The following ZFHX3 variants were observed in gnomAD, a reference collection of about 807,000 sequenced individuals.
ZFHX3 encodes the protein zinc finger homeobox 3.
Under a neutral mutation model 279.1 loss-of-function variants are expected in ZFHX3, and 42 were observed. The ratio of observed to expected loss-of-function variants is 0.15; its 90% CI spans 0.12 to 0.19. The LOEUF is 0.19. Among genes scored for constraint, ZFHX3 ranks in the 10% least tolerant of loss-of-function variants. The pLI is 1.00. For missense variants in ZFHX3, 4,981 were observed against 4,754.0 expected, an observed-to-expected ratio of 1.05 and a Z score of -1.40; for synonymous variants, 2,293 against 1,957.8, an observed-to-expected ratio of 1.17 and a Z score of -4.52.
chr16:73,658,548 C>A (rs963265919), intron 2 of ZFHX3, among the ~76,000 whole-genome samples: 3 of 152,156 alleles, frequency 2.0e-5, no homozygotes, highest in Admixed American at 2.0e-4. Context: ...GGTGATCTGC[C>A]CTCCTTGGTC....
At chr16:73,114,735 A>G (rs1966412504) in intron 7 of ZFHX3, among the ~76,000 whole-genome samples, 1 of 152,236 alleles carries the variant, frequency 6.6e-6, no homozygotes, top group South Asian at 2.1e-4. Flanking sequence ...ATTTTCTGCA[A>G]GGAAATAAGT....
At chr16:73,084,954 T>G (rs1317401956) in intron 8 of ZFHX3, among the ~76,000 whole-genome samples, 1 of 152,154 alleles carries the variant, frequency 6.6e-6, no homozygotes, top group Non-Finnish European at 1.5e-5. Context: ...GAATTAATGT[T>G]AAAATGTCAA....
intron 5 of ZFHX3, among the ~76,000 whole-genome samples, chr16:73,147,082 T>C (rs2144841213): frequency 6.6e-6 from 1 of 152,374 alleles, no homozygotes; most frequent in East Asian, 1.9e-4. Flanking sequence ...GTGACATCAA[T>C]GACCTTCCAC....
intron 5 of ZFHX3, among the ~76,000 whole-genome samples, chr16:73,223,268 A>T (rs1392888225): frequency 6.6e-6 from 1 of 152,186 alleles, no homozygotes; most frequent in African/African-American, 2.4e-5. Flanking sequence ...GACATAGTCA[A>T]GAGAATTAAC....
chr16:73,770,162 T>C lies in ZFHX3; in HGVS notation c.-1607-89922A>G, dbSNP rs150372535. 2.6e-3 allele frequency among the ~76,000 whole-genome samples: 394 copies of C among 152,380 alleles called. 3 individuals are homozygous for C. Among genetic ancestry groups the C allele is most frequent in the African/African-American group, 9.1e-3 (380 of 41,590 alleles). On this transcript the variant is annotated intron_variant, in intron 1 of 17. Coordinates refer to the ZFHX3 transcript ENST00000641206. The stretch of plus-strand genomic sequence containing the variant: ...CGAGATTATTCTGGATGATTGCAAT[T>C]GGTCCAGTGTAATCACAAAGGCCCA...
chr16:73,718,068 C>T (rs369974374), intron 1 of ZFHX3, among the ~76,000 whole-genome samples: 4 of 152,272 alleles, frequency 2.6e-5, no homozygotes, highest in African/African-American at 9.6e-5. Context: ...TCCACTCCTC[C>T]CAGCCCCTCC....
chr16:72,886,446 C>T (rs148280193), intron 4 of ZFHX3, among the ~76,000 whole-genome samples: 64 of 152,078 alleles, frequency 4.2e-4, no homozygotes, highest in Non-Finnish European at 6.5e-4. Flanking sequence ...GCACTGGTGC[C>T]GGGCTGCATC....
chr16:73,219,401 T>C (rs981815812), intron 5 of ZFHX3, among the ~76,000 whole-genome samples: 1 of 152,208 alleles, frequency 6.6e-6, no homozygotes, highest in Non-Finnish European at 1.5e-5. Flanking sequence ...TTCTTGCCTC[T>C]AGGGCTGTGG....
intron 7 of ZFHX3, among the ~76,000 whole-genome samples, chr16:72,801,838 G>A (rs550921177): frequency 2.6e-5 from 4 of 152,022 alleles, no homozygotes; most frequent in Admixed American, 1.3e-4. Flanking sequence ...GCGGGAATCC[G>A]AGAAGTGAAA....
chr16:73,059,761 G>A (rs1176909462), upstream of ZFHX3: 1 of 152,078 alleles, frequency 6.6e-6, no homozygotes, highest in Non-Finnish European at 1.5e-5. Context: ...GACGAATGAA[G>A]AAAATATGGA....
chr16:73,168,008 T>G (rs1967413307), intron 5 of ZFHX3, among the ~76,000 whole-genome samples: 2 of 152,268 alleles, frequency 1.3e-5, no homozygotes, highest in African/African-American at 4.8e-5. Flanking sequence ...CAGTTAGACC[T>G]GCTCCTTTTA....
At chr16:73,294,344 G>A (rs985507018) in intron 4 of ZFHX3, 4 of 152,310 alleles carry the variant, frequency 2.6e-5, no homozygotes, top group Non-Finnish European at 4.4e-5. Flanking sequence ...AAGCCTCAAA[G>A]CCTCTCCCAA....
In ZFHX3 at chr16:73,096,161, A is replaced by ACTGC. The variant is rs538399561; in HGVS notation, c.-896-2567_-896-2564dup. On this transcript the variant is annotated intron_variant, in intron 7 of 17. Coordinates refer to the ZFHX3 transcript ENST00000641206. ...TCCCCCAGGGACCTGGAAACTCTTT[A>ACTGC]CTGCCTGCCTGCCTGCCTGCTCCGG... is the stretch of plus-strand genomic sequence containing the variant. Among the ~76,000 whole-genome samples, 630 of 152,076 alleles carry ACTGC rather than the reference A, an allele frequency of 4.1e-3. 2 individuals carry two copies. The highest frequency in any genetic ancestry group is 0.015 in the African/African-American group (602 of 41,484).
chr16:72,926,986 T>C (rs1489793082), intron 3 of ZFHX3, among the ~76,000 whole-genome samples: 1 of 152,196 alleles, frequency 6.6e-6, no homozygotes, highest in East Asian at 1.9e-4. Context: ...GAGAACAGGG[T>C]GTTAGGAACC....
At chr16:73,399,636 C>T (rs188990266) in intron 3 of ZFHX3, among the ~76,000 whole-genome samples, 5 of 152,284 alleles carry the variant, frequency 3.3e-5, no homozygotes, top group East Asian at 1.9e-4. Flanking sequence ...TCTCCCTGCA[C>T]GCTTGAGTGG....
chr16:72,839,195 T>TC (rs367871394), intron 4 of ZFHX3, among the ~76,000 whole-genome samples: 5,410 of 146,668 alleles, frequency 0.037, 442 homozygotes, highest in East Asian at 0.18. Flanking sequence ...ATCTCTCCCT[T>TC]CCCCCCCCCA....
intron 3 of ZFHX3, among the ~76,000 whole-genome samples, chr16:73,325,492 G>C (rs2015662993): frequency 6.6e-6 from 1 of 152,080 alleles, no homozygotes; most frequent in South Asian, 2.1e-4. Context: ...AGGGGAGGTG[G>C]CCAGTCCAAT....
intron 2 of ZFHX3, among the ~76,000 whole-genome samples, chr16:73,614,180 T>C (rs1172815088): frequency 4.6e-5 from 7 of 152,200 alleles, no homozygotes; most frequent in Admixed American, 2.6e-4. Flanking sequence ...TCCAGCAACA[T>C]TTCACACGTG....
intron 2 of ZFHX3, among the ~76,000 whole-genome samples, chr16:73,579,272 A>G (rs921096346): frequency 1.3e-5 from 2 of 152,052 alleles, no homozygotes; most frequent in South Asian, 2.1e-4. Flanking sequence ...CTTAACATGT[A>G]CTGATTGATG....
Sources: gnomAD v4.1 joint callset for allele counts (sites outside exome capture counted in the v4.1 genomes callset) on GRCh38, gnomAD v4.1.1 for gene constraint, MANE v1.5 for transcripts, NCBI Gene and HGNC (gene_info 2026-07-23, HGNC 2026-07-21) for gene names.